FAM20C: variants seen among roughly 807,000 people sequenced by gnomAD.
FAM20C encodes extracellular serine/threonine protein kinase FAM20C.
Under a neutral mutation model 51.5 loss-of-function variants are expected in FAM20C, and 40 were observed. The observed-to-expected ratio is 0.78, with a 90% CI of 0.60 to 1.01. The LOEUF (loss-of-function observed/expected upper bound fraction) is 1.01. Ranked by LOEUF, FAM20C falls within the 50% of genes least tolerant of loss-of-function variation. The pLI, the probability that FAM20C is intolerant of heterozygous loss-of-function variation, is 0.00. For synonymous variants in FAM20C, 406 were observed against 380.6 expected, an observed-to-expected ratio of 1.07 and a Z score of -0.78; for missense variants, 861 against 844.7, an observed-to-expected ratio of 1.02 and a Z score of -0.24.
At chr7:201,168 C>T (rs1415585623) in intron 2 of FAM20C, among the ~76,000 whole-genome samples, 2 of 152,210 alleles carry the variant, frequency 1.3e-5, no homozygotes, top group African/African-American at 4.8e-5. Flanking sequence ...CCCCATTCGT[C>T]TTCAGGAATA....
rs1048928506 is a variant in FAM20C at position 210,224 on chromosome 7, C to T, written c.863+1248C>T. Among the ~76,000 whole-genome samples the T allele has an allele frequency of 2.8e-4, 40 of 142,434 alleles. 1 individual carries two copies. The highest frequency in any genetic ancestry group is 2.1e-3 in the Admixed American group (29 of 14,072). 93.4% of individuals were successfully genotyped at this position (142,434 alleles called of 152,430 possible). On this transcript the variant is annotated intron_variant, in intron 3 of 9. Coordinates refer to ENST00000313766, the MANE Select transcript of FAM20C (RefSeq NM_020223.4). ...CCACGGGTCTCACGGCCCAGCCCTG[C>T]GGGGGGCCTGAGATCACAAGCACTT... is the stretch of plus-strand genomic sequence containing the variant.
chr7:236,463 G>A (rs1016187399), intron 3 of FAM20C, among the ~76,000 whole-genome samples: 37 of 152,312 alleles, frequency 2.4e-4, no homozygotes, highest in Non-Finnish European at 3.4e-4. Context: ...GTCACCAGTA[G>A]ACCCGATCTT....
chr7:259,476 C>G (rs1355860656), intron 9 of FAM20C, among the ~76,000 whole-genome samples: 2 of 152,190 alleles, frequency 1.3e-5, no homozygotes, highest in Non-Finnish European at 2.9e-5. Context: ...CTGTCTCGGT[C>G]TGCCTGTTTC....
intron 3 of FAM20C, among the ~76,000 whole-genome samples, chr7:236,406 G>T (rs886671587): frequency 1.3e-4 from 20 of 152,366 alleles, no homozygotes; most frequent in Middle Eastern, 6.8e-3. Context: ...GCTCTGAGAA[G>T]CCTGCGTGGC....
In FAM20C at chr7:241,826, C is replaced by T. The variant is rs1787956498; in HGVS notation, c.864-4589C>T. Among the ~76,000 whole-genome samples, 5 of 151,112 alleles carry T rather than the reference C, an allele frequency of 3.3e-5. No individual in the cohort carries two copies. In the South Asian group the frequency reaches 1.1e-3, roughly 32 times the overall value. On this transcript the variant is annotated intron_variant, in intron 3 of 9. Coordinates refer to ENST00000313766, the MANE Select transcript of FAM20C (RefSeq NM_020223.4). The stretch of plus-strand genomic sequence containing the variant: ...GTGTGAATGTGCATCTGTGTGTGTG[C>T]CCGTGTGTACGTTTGTGAGCGTGCA...
intron 5 of FAM20C, 52 bp downstream of exon 5, chr7:248,482 G>A (rs1052777968): frequency 1.4e-6 from 2 of 1,410,210 alleles, no homozygotes; most frequent in African/African-American, 1.5e-5. Context: ...CTGGCACGGG[G>A]GCCCGCATTC....
intron 3 of FAM20C, among the ~76,000 whole-genome samples, chr7:226,297 G>A (rs1011772307): frequency 2.0e-5 from 3 of 150,048 alleles, no homozygotes; most frequent in African/African-American, 7.6e-5. Context: ...TGAGTCCCTG[G>A]AGAAGACCGG....
chr7:232,833 G>A (rs1322763793), intron 3 of FAM20C, among the ~76,000 whole-genome samples: 1 of 152,226 alleles, frequency 6.6e-6, no homozygotes, highest in African/African-American at 2.4e-5. Context: ...TCCCGCTGAA[G>A]CCACAGTTGT....
At chr7:249,045 G>C (rs1788292411) in intron 5 of FAM20C, among the ~76,000 whole-genome samples, 1 of 141,340 alleles carries the variant, frequency 7.1e-6, no homozygotes, top group South Asian at 2.2e-4. Context: ...TGTGCACAGA[G>C]AGACTGTTTC....
Position 193,644 on chromosome 7 carries a change from G to T in FAM20C, c.445G>T (p.Glu149Ter). 6.5e-7 allele frequency: 1 copy of T among 1,539,780 alleles called. No individual in the cohort carries two copies. Among genetic ancestry groups the T allele is most frequent in the Non-Finnish European group, 8.7e-7 (1 of 1,143,124 alleles). The part of the protein sequence containing the change: ...LLRDPGPRRS[E>*]SPPGPGGDAS... ...GCGAGACCCCGGCCCGCGTCGGTCC[G>T]AGTCGCCCCCCGGCCCCGGCGGAGA... is the stretch of plus-strand genomic sequence containing the variant. The change falls in exon 1 of 10, where the codon GAG becomes TAG. Residue 149 changes from glutamate to a stop codon, truncating the protein, a stop_gained. Transcript: ENST00000313766. LOFTEE classifies it high-confidence loss of function.
At chr7:193,987 T>A in intron 1 of FAM20C, 183 bp downstream of exon 1, 2 of 946,562 alleles carry the variant, frequency 2.1e-6, no homozygotes, top group Non-Finnish European at 1.4e-6. Context: ...ACCTCCTCCT[T>A]GGGAGGGGCT....
intron 2 of FAM20C, among the ~76,000 whole-genome samples, chr7:201,064 G>A (rs1786106869): frequency 1.3e-5 from 2 of 152,214 alleles, no homozygotes; most frequent in African/African-American, 2.4e-5. Flanking sequence ...TGTGTGCGGT[G>A]GGAAGAACAG....
chr7:197,010 A>C (rs1382899045), intron 2 of FAM20C: 1 of 156,640 alleles, frequency 6.4e-6, no homozygotes, highest in African/African-American at 2.4e-5. Context: ...GAGGGCTTTC[A>C]GCTGTGCTGG....
In FAM20C at chr7:205,731, C is replaced by T. The variant is rs562236344; in HGVS notation, c.785-3167C>T. Among the ~76,000 whole-genome samples, 14 of 152,238 alleles carry T rather than the reference C, an allele frequency of 9.2e-5. No individual in the cohort carries two copies. In the South Asian group the frequency reaches 2.9e-3, roughly 32 times the overall value. ...CTCCTCCCTTGTGCCCAAGTGAAGC[C>T]CTGTGGATGGTGGGGACTCTGCTTT... On this transcript the variant is annotated intron_variant, in intron 2 of 9. Transcript: ENST00000313766.
chr7:226,016 C>T lies in FAM20C; in HGVS notation c.863+17040C>T, dbSNP rs908592284. ...CTGTCCCCTGAGCCTTCTCTCATTG[C>T]GCAGAACAACCTGGGTTTCACTGAG... On this transcript the variant is annotated intron_variant, in intron 3 of 9. Transcript: ENST00000313766. Among the ~76,000 whole-genome samples the T allele has an allele frequency of 2.6e-5, 4 of 151,864 alleles. 1 individual carries two copies. The highest frequency in any genetic ancestry group is 4.2e-4 in the South Asian group (2 of 4,804).
At chr7:251,288 C>G (rs1788398073) in intron 5 of FAM20C, among the ~76,000 whole-genome samples, 1 of 107,122 alleles carries the variant, frequency 9.3e-6, no homozygotes, top group African/African-American at 3.2e-5. Context: ...AATCCCAGTA[C>G]TGGGAGGACC....
intron 3 of FAM20C, among the ~76,000 whole-genome samples, chr7:214,893 A>C (rs1314519825): frequency 2.0e-5 from 3 of 152,070 alleles, no homozygotes; most frequent in Non-Finnish European, 4.4e-5. Context: ...TCCAGGTAGA[A>C]ATATTCATTT....
intron 3 of FAM20C, 68 bp from the exon 4 acceptor site, chr7:246,347 C>A: frequency 7.5e-7 from 1 of 1,338,438 alleles, no homozygotes; most frequent in South Asian, 1.2e-5. Context: ...CAGCACGTCC[C>A]GCCTGCCTCC....
rs900036318 is a variant in FAM20C, at chr7:253,897, C to T, written c.1073-1952C>T. On this transcript the variant is annotated intron_variant, in intron 5 of 9. Coordinates refer to ENST00000313766, the MANE Select transcript of FAM20C (RefSeq NM_020223.4). Reference sequence around the variant, plus strand: ...TTTAAGCCTCCAGCCAATGAGCGCTCAGATGAAGATTTTCCTCCTGAAATG... The same window carrying T: ...TTTAAGCCTCCAGCCAATGAGCGCTTAGATGAAGATTTTCCTCCTGAAATG... 9.2e-5 allele frequency among the ~76,000 whole-genome samples: 14 copies of T among 152,362 alleles called. No homozygotes were observed. The East Asian group carries it at 1.3e-3, about 15-fold the overall frequency.
Sources: allele counts gnomAD v4.1 joint callset (sites outside exome capture counted in the v4.1 genomes callset), GRCh38; gene constraint gnomAD v4.1.1; transcripts MANE v1.5; gene names NCBI Gene and HGNC (gene_info 2026-07-23, HGNC 2026-07-21).